AZIN1: variants seen among roughly 807,000 people sequenced by gnomAD.
The protein encoded by AZIN1 is ornithine decarboxylase antizyme inhibitor.
A neutral mutation model predicts 47.4 loss-of-function variants in AZIN1; 12 were observed. The ratio of observed to expected loss-of-function variants is 0.25; its 90% CI spans 0.16 to 0.41. The LOEUF is 0.41. Ranked by LOEUF, AZIN1 falls within the 10% of genes least tolerant of loss-of-function variation. The pLI is 1.00. For synonymous variants in AZIN1, 155 were observed against 176.3 expected, an observed-to-expected ratio of 0.88 and a Z score of 0.96; for missense variants, 410 against 532.4, an observed-to-expected ratio of 0.77 and a Z score of 2.26.
At chr8:102,834,893 C>T in intron 6 of AZIN1, 146 bp from the exon 7 acceptor site, 2 of 578,650 alleles carry the variant, frequency 3.5e-6, no homozygotes, top group Non-Finnish European at 3.0e-6. Context: ...GAAGCATTAG[C>T]TTCTAATTAC....
intron 2 of AZIN1, among the ~76,000 whole-genome samples, chr8:102,852,337 A>T (rs953667283): frequency 6.6e-6 from 1 of 152,198 alleles, no homozygotes; most frequent in African/African-American, 2.4e-5. Flanking sequence ...GCACTTTGGG[A>T]GGCTGAGGAG....
In AZIN1 at chr8:102,828,542, G is replaced by T. The variant is rs981667901; in HGVS notation, c.*25C>A. On this transcript the variant is annotated 3_prime_UTR_variant, in exon 12 of 12. Transcript: ENST00000337198. ...CAGACAAGCTTAACCTGCAACTTCA[G>T]ATCTAAAGAAGCGTTAATGCCTGTT... 12 of 1,486,732 alleles carry T rather than the reference G, an allele frequency of 8.1e-6. No individual in the cohort carries two copies. The highest frequency in any genetic ancestry group is 3.5e-5 in the Admixed American group (2 of 56,490). 92.1% of individuals were successfully genotyped at this position (1,486,732 alleles called of 1,614,324 possible).
Position 102,843,759 on chromosome 8 carries a change from T to C in AZIN1, c.-95-12A>G. 1 of 1,490,274 alleles carries C rather than the reference T, an allele frequency of 6.7e-7. No homozygotes were observed. The highest frequency in any genetic ancestry group is 8.9e-7 in the Non-Finnish European group (1 of 1,121,742). The allele number at this position is 1,490,274 out of a possible 1,614,324, so 92.3% of individuals were successfully genotyped here. A position where few individuals can be genotyped will look rare whatever the true frequency, so the allele number is the denominator to read the frequency against. On this transcript the variant is annotated splice_polypyrimidine_tract_variant and intron_variant, in intron 2 of 11. Transcript: ENST00000337198. ...GAATATGCAACAAACTGTCAAAATA[T>C]AAGTTATATAAAAGTCTGTATTATT...
chr8:102,837,233 A>T (rs72686917), intron 5 of AZIN1, among the ~76,000 whole-genome samples: 4,622 of 152,206 alleles, frequency 0.03, 114 homozygotes, highest in Non-Finnish European at 0.046. Flanking sequence ...AAAGCTTTTT[A>T]AAAAATTATT....
At chr8:102,862,820 A>C (rs1813773904) in intron 1 of AZIN1, among the ~76,000 whole-genome samples, 1 of 152,216 alleles carries the variant, frequency 6.6e-6, no homozygotes, top group Non-Finnish European at 1.5e-5. Flanking sequence ...TGAGGCGGTA[A>C]ACTGTGTCCC....
chr8:102,829,223 A>G (rs1811283636), intron 11 of AZIN1, 49 bp downstream of exon 11: 3 of 1,495,452 alleles, frequency 2.0e-6, no homozygotes, highest in Non-Finnish European at 1.8e-6. Flanking sequence ...TAGCAAGTCT[A>G]AAAGGACAGT....
intron 6 of AZIN1, 22 bp from the exon 7 acceptor site, chr8:102,834,769 A>T: frequency 6.4e-7 from 1 of 1,562,592 alleles, no homozygotes; most frequent in Non-Finnish European, 8.8e-7. Flanking sequence ...AGAATACTAA[A>T]TTTAAAGGAG....
At chr8:102,831,641 CAAAAA>C (rs35860063) in intron 9 of AZIN1, among the ~76,000 whole-genome samples, 3 of 83,826 alleles carry the variant, frequency 3.6e-5, no homozygotes, top group Admixed American at 2.8e-4. Flanking sequence ...AAAACAGTCT[CAAAAA>C]AAAAAAAAAA....
Position 102,828,668 on chromosome 8 carries a change from G to T in AZIN1, c.1246C>A (p.Gln416Lys), listed in dbSNP as rs1312741059. The T allele has an allele frequency of 1.3e-5, 21 of 1,603,250 alleles. No homozygotes were observed. Among genetic ancestry groups the T allele is most frequent in the Non-Finnish European group, 1.8e-5 (21 of 1,172,010 alleles). Residue 416 changes from glutamine to lysine, a missense_variant, in exon 12 of 12, where the codon CAA becomes AAA. Transcript: ENST00000337198. ...MMSFSDWYEM[Q>K]DAGITSDSMM... ...GAGTCTGAAGTAATTCCAGCATCTT[G>T]CATCTCATACCTACGTAGAAAAAAA...
chr8:102,855,397 C>A (rs535142550), intron 2 of AZIN1: 30 of 152,232 alleles, frequency 2.0e-4, no homozygotes, highest in African/African-American at 7.2e-4. Flanking sequence ...AACTTTTTCA[C>A]AATTAGGGGC....
At chr8:102,851,464 T>C (rs1812912691) in intron 2 of AZIN1, among the ~76,000 whole-genome samples, 2 of 152,128 alleles carry the variant, frequency 1.3e-5, no homozygotes, top group Admixed American at 6.6e-5. Flanking sequence ...TCCCAGCACT[T>C]TGGGAGGCTG....
intron 2 of AZIN1, among the ~76,000 whole-genome samples, chr8:102,846,224 AC>A (rs1324834142): frequency 6.6e-6 from 1 of 152,206 alleles, no homozygotes; most frequent in Non-Finnish European, 1.5e-5. Flanking sequence ...TTTTCCTTTA[AC>A]AGTCAGGATC....
chr8:102,849,291 C>T (rs1812781209), intron 2 of AZIN1, among the ~76,000 whole-genome samples: 1 of 152,004 alleles, frequency 6.6e-6, no homozygotes, highest in African/African-American at 2.4e-5. Flanking sequence ...GACTCCATCT[C>T]AAAACAAAAA....
chr8:102,849,129 C>A (rs1374433444), intron 2 of AZIN1, among the ~76,000 whole-genome samples: 1 of 152,042 alleles, frequency 6.6e-6, no homozygotes, highest in Non-Finnish European at 1.5e-5. Flanking sequence ...CTTGTCTCTA[C>A]TAAAAATATA....
intron 2 of AZIN1, 94 bp from the exon 3 acceptor site, chr8:102,843,841 G>T: frequency 1.2e-6 from 1 of 856,926 alleles, no homozygotes; most frequent in East Asian, 3.3e-5. Context: ...ATTTAGTGAG[G>T]AATTTACGCA....
chr8:102,829,753 G>A, intron 10 of AZIN1, 68 bp downstream of exon 10: 1 of 1,179,968 alleles, frequency 8.5e-7, no homozygotes, highest in East Asian at 2.3e-5. Context: ...AAACTGGGAA[G>A]CATCTTAAAA....
intron 2 of AZIN1, among the ~76,000 whole-genome samples, chr8:102,852,897 T>G: frequency 6.6e-6 from 1 of 152,218 alleles, no homozygotes; most frequent in Non-Finnish European, 1.5e-5. Context: ...TGTAAGCACT[T>G]CAACTTGGAA....
rs1811214447 is a variant in AZIN1, at chr8:102,828,264, A to G, written c.*303T>C. On this transcript the variant is annotated 3_prime_UTR_variant, in exon 12 of 12. Coordinates refer to ENST00000337198, the MANE Select transcript of AZIN1 (RefSeq NM_148174.4). ...TTGTATGTAAACGATTTAATGGGGA[A>G]CCCAATTAATGGGCTTCCATCTCCA... is the stretch of plus-strand genomic sequence containing the variant. 1 of 205,730 alleles carries G rather than the reference A, an allele frequency of 4.9e-6. No individual in the cohort carries two copies. Among genetic ancestry groups the G allele is most frequent in the South Asian group, 1.6e-4 (1 of 6,080 alleles). The allele number at this position is 205,730 out of a possible 1,614,324, so 12.7% of individuals were successfully genotyped here. A position where few individuals can be genotyped will look rare whatever the true frequency, so the allele number is the denominator to read the frequency against.
intron 6 of AZIN1, 68 bp from the exon 7 acceptor site, chr8:102,834,815 C>G: frequency 9.8e-7 from 1 of 1,022,594 alleles, no homozygotes; most frequent in Non-Finnish European, 1.5e-6. Flanking sequence ...TAATTTCTTT[C>G]AACTGTCACT....
Sources: gnomAD v4.1 joint callset for allele counts (sites outside exome capture counted in the v4.1 genomes callset) on GRCh38, gnomAD v4.1.1 for gene constraint, MANE v1.5 for transcripts, NCBI Gene and HGNC (gene_info 2026-07-23, HGNC 2026-07-21) for gene names.